Variants in MEA1 observed in about 807,000 individuals in gnomAD.
MEA1 encodes the protein Male-enhanced antigen (H-Y structural gene).
MEA1 carries 22 observed loss-of-function variants against 21.4 expected under a neutral mutation model. That is an observed-to-expected ratio of 1.03 (90% CI 0.73 to 1.47). MEA1 has a LOEUF of 1.47. Ranked by LOEUF, MEA1 falls within the 40% of genes most tolerant of loss-of-function variation. The pLI, the probability that MEA1 is intolerant of heterozygous loss-of-function variation, is 0.00. For synonymous variants in MEA1, 91 were observed against 85.5 expected (o/e 1.06, Z -0.35); for missense variants, 233 against 230.5 (o/e 1.01, Z -0.07).
At position 43,011,251 on chromosome 6, in the gene MEA1, G is replaced by C. The variant is rs759962644; in HGVS notation, c.*1219C>G. ...GGCACTGGAGGCGCACAAGCGGGCG[G>C]AAGAGTTCCTAACTGCCAGCCAGGA... On this transcript the variant is annotated 3_prime_UTR_variant, in exon 4 of 4. Transcript: ENST00000244711. 6.2e-7 allele frequency: 1 copy of C among 1,614,040 alleles called. No individual in the cohort carries two copies. Among genetic ancestry groups the C allele is most frequent in the South Asian group, 1.1e-5 (1 of 91,080 alleles).
chr6:43,012,965 T>C lies in MEA1; in HGVS notation c.367A>G (p.Thr123Ala), dbSNP rs1762424924. 6.2e-7 allele frequency: 1 copy of C among 1,614,200 alleles called. No individual in the cohort carries two copies. Among genetic ancestry groups the C allele is most frequent in the Non-Finnish European group, 8.5e-7 (1 of 1,180,030 alleles). ...ESEDEDEEGA[T>A]ALNNHSSIPM... Reference sequence around the variant, plus strand: ...ATAGAGCTGTGGTTGTTCAACGCTGTAGCTCCCTCCTCATCTTCATCTTCA... The same window carrying C: ...ATAGAGCTGTGGTTGTTCAACGCTGCAGCTCCCTCCTCATCTTCATCTTCA... Residue 123 changes from threonine to alanine, a missense_variant, in exon 3 of 4, where the codon ACA becomes GCA. Physicochemically the swap from Thr to Ala is moderately conservative, Grantham distance 58. Coordinates refer to ENST00000244711, the MANE Select transcript of MEA1 (RefSeq NM_014623.4).
At chr6:43,015,064 C>T (rs1762529553), upstream of MEA1, among the ~76,000 whole-genome samples, 1 of 152,102 alleles carries the variant, frequency 6.6e-6, no homozygotes, top group Non-Finnish European at 1.5e-5. Flanking sequence ...TATCTCCTCT[C>T]CTGTGCATAT....
chr6:43,014,817 G>A (rs144191473), upstream of MEA1, among the ~76,000 whole-genome samples: 12 of 152,208 alleles, frequency 7.9e-5, no homozygotes, highest in East Asian at 2.1e-3. Context: ...AAACTGCAAA[G>A]CTCTCACGAG....
At chr6:43,014,079 CTCGACACATATT>C (rs1762490173), upstream of MEA1, 10 of 1,419,174 alleles carry the variant, frequency 7.0e-6, no homozygotes, top group Admixed American at 2.9e-5. Context: ...CCTCCTCGGT[CTCGACACATATT>C]TGCACATGCG....
upstream of MEA1, chr6:43,014,390 C>A: frequency 1.9e-6 from 1 of 540,418 alleles, no homozygotes; most frequent in Non-Finnish European, 3.5e-6. Context: ...AATTAGGGGG[C>A]TTAGGACGTG....
intron 3 of MEA1, 56 bp downstream of exon 3, chr6:43,012,870 C>T: frequency 6.6e-7 from 1 of 1,511,170 alleles, no homozygotes; most frequent in Non-Finnish European, 9.2e-7. Context: ...CTTCTACTGA[C>T]TCATGCCAGT....
chr6:43,013,309 G>A lies in MEA1; in HGVS notation c.109C>T (p.Leu37=). The A allele has an allele frequency of 6.2e-7, 1 of 1,614,136 alleles. No individual in the cohort carries two copies. Among genetic ancestry groups the A allele is most frequent in the Non-Finnish European group, 8.5e-7 (1 of 1,180,016 alleles). Residue 37 remains leucine, a synonymous_variant, in exon 2 of 4, where the codon CTG becomes TTG. Transcript: ENST00000244711. ...ERIFPNQTEE[L]GHQGPSEGTG... is the part of the protein sequence containing the mutation. ...CCTTCTGAAGGGCCCTGATGTCCCA[G>A]TTCCTCAGTCTGATTGGGGAAGATA...
chr6:43,013,130 G>A lies in MEA1; in HGVS notation c.288C>T (p.Ile96=). The A allele has an allele frequency of 6.2e-7, 1 of 1,613,960 alleles. No individual in the cohort carries two copies. Among genetic ancestry groups the A allele is most frequent in the Non-Finnish European group, 8.5e-7 (1 of 1,180,000 alleles). ...TCCACCCTACCTGGATTCGATCCTG[G>A]ATGTCAGCAACTACATCTCCATCCC... ...PVGDGDVVAD[I]QDRIQALGLH... Residue 96 remains isoleucine, a synonymous_variant, in exon 2 of 4, where the codon ATC becomes ATT. Transcript: ENST00000244711.
upstream of MEA1, chr6:43,014,052 A>C (rs923642828): frequency 1.1e-5 from 16 of 1,422,906 alleles, no homozygotes; most frequent in African/African-American, 2.0e-4. Flanking sequence ...AAAACAAAGG[A>C]CTGCATTACC....
At chr6:43,015,526 C>T (rs766093036), upstream of MEA1, among the ~76,000 whole-genome samples, 1 of 152,104 alleles carries the variant, frequency 6.6e-6, no homozygotes, top group Non-Finnish European at 1.5e-5. Context: ...CCCAGGTGTA[C>T]GTGCCACTAG....
chr6:43,014,145 C>T (rs1762495870), upstream of MEA1: 3 of 1,414,732 alleles, frequency 2.1e-6, no homozygotes, highest in African/African-American at 1.4e-5. Flanking sequence ...GCCCTCTCGT[C>T]CCTCAGGAAA....
At chr6:43,014,091 T>C, upstream of MEA1, 1 of 1,416,594 alleles carries the variant, frequency 7.1e-7, no homozygotes, top group South Asian at 1.6e-5. Context: ...CGACACATAT[T>C]TGCACATGCG....
chr6:43,012,127 C>T lies in MEA1; in HGVS notation c.*343G>A. 1 of 849,832 alleles carries T rather than the reference C, an allele frequency of 1.2e-6. No homozygotes were observed. The highest frequency in any genetic ancestry group is 1.4e-6 in the Non-Finnish European group (1 of 695,458). 52.6% of individuals were successfully genotyped at this position (849,832 alleles called of 1,614,324 possible). ...ACACCTATTTATTTCCTTGTTTGTG[C>T]TATGCTGGGCAGGCCTTCTCTTGTC... On this transcript the variant is annotated 3_prime_UTR_variant, in exon 4 of 4. Coordinates refer to ENST00000244711, the MANE Select transcript of MEA1 (RefSeq NM_014623.4).
chr6:43,013,845 T>C lies in MEA1; in HGVS notation c.-32A>G. ...CCCTCAAATGGCCCCAGCTGCAGCG[T>C]CCCCCACCCGCCCCCATCCGAATCC... On this transcript the variant is annotated 5_prime_UTR_variant, in exon 1 of 4. Coordinates refer to ENST00000244711, the MANE Select transcript of MEA1 (RefSeq NM_014623.4). 1 of 1,533,630 alleles carries C rather than the reference T, an allele frequency of 6.5e-7. No homozygotes were observed. Among genetic ancestry groups the C allele is most frequent in the Middle Eastern group, 2.1e-4 (1 of 4,858 alleles).
At position 43,013,221 on chromosome 6, in the gene MEA1, G is replaced by C; in HGVS notation, c.197C>G (p.Ala66Gly). Residue 66 changes from alanine (A) to glycine (G), a missense_variant, in exon 2 of 4, where the codon GCT (alanine) becomes GGT (glycine). Coordinates refer to ENST00000244711, the MANE Select transcript of MEA1 (RefSeq NM_014623.4). ...GTTCAGGGGCTGGTAGGAGTAGCCAGCTGGGCCCGACCCCGTTTCCTCCTG... is the reference window on the plus strand; with the variant it reads ...GTTCAGGGGCTGGTAGGAGTAGCCACCTGGGCCCGACCCCGTTTCCTCCTG... ...EEQEETGSGP[A>G]GYSYQPLNQD... is the part of the protein sequence containing the mutation. 1 of 1,614,152 alleles carries C rather than the reference G, an allele frequency of 6.2e-7. No individual in the cohort carries two copies. The highest frequency in any genetic ancestry group is 2.2e-5 in the East Asian group (1 of 44,876).
At chr6:43,015,356 C>T (rs1762539558), upstream of MEA1, among the ~76,000 whole-genome samples, 1 of 152,144 alleles carries the variant, frequency 6.6e-6, no homozygotes, top group South Asian at 2.1e-4. Flanking sequence ...AGGGGCCTCC[C>T]TTATTTGAGC....
Position 43,012,475 on chromosome 6 carries a change from TCCAGGCAGGGGATGCCTG to T in MEA1, c.535_552del (p.Gln179_Trp184del). 1 of 1,598,808 alleles carries T rather than the reference TCCAGGCAGGGGATGCCTG, an allele frequency of 6.3e-7. No homozygotes were observed. The highest frequency in any genetic ancestry group is 8.5e-7 in the Non-Finnish European group (1 of 1,174,384). On this transcript the variant is annotated inframe_deletion, in exon 4 of 4. Transcript: ENST00000244711. ...TAAGGCAGCTCTCACTGTGGTCACT[TCCAGGCAGGGGATGCCTG>T]CCGGGCTTGGAGGGCTTTCTGTACC...
chr6:43,013,170 TC>T lies in MEA1; in HGVS notation c.247del (p.Glu83AsnfsTer10). ...ATCTCCATCCCCCACTGGTGCCAGT[TC>T]CACCTCCTCTTGTTCAGGATCTTGG... ...LNQDPEQEEVELAPVGDGDVV... is the reference protein window; with the variant it reads ...LNQDPEQEEVXLAPVGDGDVV... On this transcript the variant is annotated frameshift_variant, in exon 2 of 4. Coordinates refer to ENST00000244711, the MANE Select transcript of MEA1 (RefSeq NM_014623.4). LOFTEE classifies it high-confidence loss of function. 6.2e-7 allele frequency: 1 copy of T among 1,614,144 alleles called. No homozygotes were observed. The highest frequency in any genetic ancestry group is 8.5e-7 in the Non-Finnish European group (1 of 1,180,014).
In MEA1 at chr6:43,011,405, A is replaced by C; in HGVS notation, c.*1065T>G. On this transcript the variant is annotated 3_prime_UTR_variant, in exon 4 of 4. Coordinates refer to ENST00000244711, the MANE Select transcript of MEA1 (RefSeq NM_014623.4). Reference sequence around the variant, plus strand: ...GAAGGCAGCGCCTCTCTAGCTACTCAAGGGAGGGGGATGTGGGCACTTGAA... The same window carrying C: ...GAAGGCAGCGCCTCTCTAGCTACTCCAGGGAGGGGGATGTGGGCACTTGAA... 2.2e-6 allele frequency: 3 copies of C among 1,360,048 alleles called. No individual in the cohort carries two copies. Among genetic ancestry groups the C allele is most frequent in the Non-Finnish European group, 2.0e-6 (2 of 1,001,934 alleles). The allele number at this position is 1,360,048 out of a possible 1,614,324, so 84.2% of individuals were successfully genotyped here.
Sources: gnomAD v4.1 joint callset for allele counts (sites outside exome capture counted in the v4.1 genomes callset) on GRCh38, gnomAD v4.1.1 for gene constraint, MANE v1.5 for transcripts, NCBI Gene and HGNC (gene_info 2026-07-23, HGNC 2026-07-21) for gene names.